The following NRG3 variants were observed in gnomAD, a reference collection of about 807,000 sequenced individuals.
NRG3 encodes the protein pro-neuregulin-3, membrane-bound isoform.
A neutral mutation model predicts 66.9 loss-of-function variants in NRG3; 31 were observed. That is an observed-to-expected ratio of 0.46 (90% CI 0.35 to 0.63). NRG3 has a LOEUF of 0.63. Among genes scored for constraint, NRG3 ranks in the 20% least tolerant of loss-of-function variants. The pLI is 0.00. For missense variants in NRG3, 910 were observed against 878.9 expected (o/e 1.04, Z -0.45); for synonymous variants, 393 against 359.4 (o/e 1.09, Z -1.06).
chr10:82,500,179 T>C (rs184582999), intron 2 of NRG3, among the ~76,000 whole-genome samples: 11 of 152,308 alleles, frequency 7.2e-5, no homozygotes, highest in African/African-American at 2.4e-4. Context: ...ACATAAGTCC[T>C]GAAGTCTCTA....
chr10:82,483,137 A>G (rs1451893327), intron 2 of NRG3, among the ~76,000 whole-genome samples: 3 of 152,334 alleles, frequency 2.0e-5, no homozygotes, highest in Admixed American at 2.0e-4. Context: ...ATTTCTAGGA[A>G]TATATGCACT....
At chr10:82,051,123 A>G (rs2063572610) in intron 1 of NRG3, among the ~76,000 whole-genome samples, 1 of 152,154 alleles carries the variant, frequency 6.6e-6, no homozygotes, top group South Asian at 2.1e-4. Context: ...ATTTTAATAC[A>G]GATACAACTT....
intron 1 of NRG3, among the ~76,000 whole-genome samples, chr10:82,353,681 A>T (rs1259739900): frequency 2.0e-5 from 3 of 152,276 alleles, no homozygotes; most frequent in African/African-American, 7.2e-5. Context: ...GCCCCTAGTG[A>T]TGGGGTACTA....
intron 1 of NRG3, among the ~76,000 whole-genome samples, chr10:82,160,467 A>G (rs1168960208): frequency 6.6e-6 from 1 of 151,850 alleles, no homozygotes; most frequent in Non-Finnish European, 1.5e-5. Flanking sequence ...AGAGTGAATC[A>G]TAATAATGGA....
chr10:82,077,540 G>A (rs762259128), intron 1 of NRG3, among the ~76,000 whole-genome samples: 6 of 152,174 alleles, frequency 3.9e-5, no homozygotes, highest in African/African-American at 1.4e-4. Context: ...TATAACTTCT[G>A]TTAGAGCTTT....
intron 4 of NRG3, among the ~76,000 whole-genome samples, chr10:82,889,167 T>G (rs1842948555): frequency 6.6e-6 from 1 of 151,980 alleles, no homozygotes; most frequent in Non-Finnish European, 1.5e-5. Context: ...GGTAAAACAA[T>G]CAGGTAGAAG....
At chr10:82,511,192 A>G (rs1184652292) in intron 2 of NRG3, among the ~76,000 whole-genome samples, 1 of 152,204 alleles carries the variant, frequency 6.6e-6, no homozygotes, top group African/African-American at 2.4e-5. Context: ...GGAAGCATAT[A>G]AAAGTTAAAT....
intron 3 of NRG3, among the ~76,000 whole-genome samples, chr10:82,781,825 C>T (rs754530655): frequency 7.3e-5 from 11 of 151,516 alleles, no homozygotes; most frequent in African/African-American, 1.2e-4. Context: ...GCACATGGGC[C>T]GTAAGGAAGT....
At chr10:82,084,423 AC>A (rs2065595688) in intron 1 of NRG3, among the ~76,000 whole-genome samples, 1 of 151,000 alleles carries the variant, frequency 6.6e-6, no homozygotes, top group African/African-American at 2.5e-5. Flanking sequence ...ATATAATCCT[AC>A]TTTCAATTGC....
At chr10:81,933,150 T>C (rs1044780000) in intron 1 of NRG3, among the ~76,000 whole-genome samples, 2 of 151,728 alleles carry the variant, frequency 1.3e-5, no homozygotes, top group African/African-American at 4.8e-5. Context: ...AAATTTGTTC[T>C]TTCTGATCAC....
intron 1 of NRG3, among the ~76,000 whole-genome samples, chr10:82,131,948 C>T (rs1015275543): frequency 3.9e-5 from 6 of 151,980 alleles, no homozygotes; most frequent in Admixed American, 1.3e-4. Flanking sequence ...AGTCTTCAGA[C>T]GTTTCCAAAT....
At chr10:82,648,673 C>T (rs1176648931) in intron 2 of NRG3, among the ~76,000 whole-genome samples, 4 of 152,090 alleles carry the variant, frequency 2.6e-5, no homozygotes, top group African/African-American at 9.7e-5. Flanking sequence ...GTATCCTCTT[C>T]TATTTCATTG....
intron 3 of NRG3, among the ~76,000 whole-genome samples, chr10:82,749,188 C>T (rs895135930): frequency 6.6e-6 from 1 of 152,018 alleles, no homozygotes; most frequent in Non-Finnish European, 1.5e-5. Context: ...CTGCAAGCCA[C>T]CTTGCTGAGA....
chr10:82,917,950 TTGTGTG>T (rs375123841), intron 4 of NRG3, among the ~76,000 whole-genome samples: 20,229 of 121,868 alleles, frequency 0.17, 2,211 homozygotes, highest in East Asian at 0.49. Flanking sequence ...GTATGTGGGA[TTGTGTG>T]TGTGTGTGTG....
At chr10:82,813,143 AG>A (rs1172330992) in intron 3 of NRG3, among the ~76,000 whole-genome samples, 4 of 151,000 alleles carry the variant, frequency 2.6e-5, no homozygotes, top group Non-Finnish European at 5.9e-5. Flanking sequence ...TGTTTTGATG[AG>A]TTAATCAAGT....
chr10:81,905,044 A>G (rs1325564507), intron 1 of NRG3, among the ~76,000 whole-genome samples: 1 of 152,100 alleles, frequency 6.6e-6, no homozygotes, highest in Non-Finnish European at 1.5e-5. Context: ...CCTTTCATGC[A>G]GTCTCCTCCT....
chr10:81,904,980 T>G (rs1844446864), intron 1 of NRG3, among the ~76,000 whole-genome samples: 1 of 152,184 alleles, frequency 6.6e-6, no homozygotes, highest in African/African-American at 2.4e-5. Context: ...AAGTATCTCT[T>G]AATTCTTAAT....
At chr10:82,219,289 T>C (rs747760914) in intron 1 of NRG3, among the ~76,000 whole-genome samples, 1 of 147,198 alleles carries the variant, frequency 6.8e-6, no homozygotes, top group Non-Finnish European at 1.5e-5. Context: ...CTGGTAGCTA[T>C]GTGACCCCTC....
rs113241999 is a variant in NRG3, at chr10:81,987,094, C to G, written c.823+110931C>G. On this transcript the variant is annotated intron_variant, in intron 1 of 8. Coordinates refer to ENST00000372141, the MANE Select transcript of NRG3 (RefSeq NM_001010848.4). ...TGTGTGTGTGTGCATTTTTTTTTTT[C>G]TGAGAGGGAGTCTTGCTCTGCTAGC... Among the ~76,000 whole-genome samples, 1,319 of 146,434 alleles carry G rather than the reference C, an allele frequency of 9.0e-3. 21 individuals carry two copies. Among genetic ancestry groups the G allele is most frequent in the African/African-American group, 0.032 (1,261 of 39,304 alleles).
Sources: gnomAD v4.1 joint callset for allele counts (sites outside exome capture counted in the v4.1 genomes callset) on GRCh38, gnomAD v4.1.1 for gene constraint, MANE v1.5 for transcripts, NCBI Gene and HGNC (gene_info 2026-07-23, HGNC 2026-07-21) for gene names.